The following MAPK9 variants were observed in gnomAD, a reference collection of about 807,000 sequenced individuals.
The protein encoded by MAPK9 is mitogen-activated protein kinase 9.
In MAPK9, 30 loss-of-function variants were observed where a neutral mutation model predicts 57.1. The ratio of observed to expected loss-of-function variants is 0.53; its 90% CI spans 0.39 to 0.71. MAPK9 has a LOEUF of 0.71. Among genes scored for constraint, MAPK9 ranks in the 30% least tolerant of loss-of-function variants. MAPK9 has a pLI of 0.00. For synonymous variants in MAPK9, 155 were observed against 177.0 expected, an observed-to-expected ratio of 0.88 and a Z score of 0.99; for missense variants, 362 against 521.0, an observed-to-expected ratio of 0.69 and a Z score of 2.97.
chr5:180,250,325 T>G (rs1321749607), intron 5 of MAPK9, among the ~76,000 whole-genome samples: 1 of 152,198 alleles, frequency 6.6e-6, no homozygotes, highest in Non-Finnish European at 1.5e-5. Context: ...CCCTAGCCCC[T>G]TCCTCAGGCC....
At chr5:180,248,939 C>T in intron 6 of MAPK9, 34 bp downstream of exon 6, 1 of 1,558,834 alleles carries the variant, frequency 6.4e-7, no homozygotes, top group Non-Finnish European at 8.7e-7. Flanking sequence ...AATTTCTAAA[C>T]ATCCCAGCCT....
intron 5 of MAPK9, among the ~76,000 whole-genome samples, chr5:180,252,182 G>A (rs1354500125): frequency 6.6e-6 from 1 of 152,180 alleles, no homozygotes; most frequent in Non-Finnish European, 1.5e-5. Context: ...CAAAGGCTTA[G>A]AGCAAGGCTG....
At chr5:180,268,594 G>C (rs756253926) in intron 3 of MAPK9, among the ~76,000 whole-genome samples, 37 of 150,180 alleles carry the variant, frequency 2.5e-4, no homozygotes, top group Non-Finnish European at 4.7e-4. Context: ...TTGGGAGGCT[G>C]AGGCTGGCGG....
intron 5 of MAPK9, among the ~76,000 whole-genome samples, chr5:180,257,437 T>C (rs1759405728): frequency 6.6e-6 from 1 of 152,260 alleles, no homozygotes; most frequent in Non-Finnish European, 1.5e-5. Context: ...CTCTTGCTGT[T>C]GGAACATAAA....
chr5:180,274,299 T>A (rs1182256138), intron 2 of MAPK9, among the ~76,000 whole-genome samples: 2 of 152,216 alleles, frequency 1.3e-5, no homozygotes, highest in South Asian at 2.1e-4. Flanking sequence ...TGACCCTGCA[T>A]CTTGCAAAAG....
chr5:180,274,843 A>AC (rs1379264355), intron 2 of MAPK9, among the ~76,000 whole-genome samples: 1 of 152,122 alleles, frequency 6.6e-6, no homozygotes, highest in African/African-American at 2.4e-5. Flanking sequence ...GGGCTCTTCT[A>AC]CCATTTTTGC....
At chr5:180,271,663 G>A (rs1202208964) in intron 2 of MAPK9, among the ~76,000 whole-genome samples, 1 of 152,160 alleles carries the variant, frequency 6.6e-6, no homozygotes, top group African/African-American at 2.4e-5. Context: ...ATCAATACAT[G>A]GAGTGTAGGT....
At chr5:180,281,875 G>C (rs1376516158) in intron 1 of MAPK9, among the ~76,000 whole-genome samples, 2 of 152,240 alleles carry the variant, frequency 1.3e-5, no homozygotes, top group African/African-American at 4.8e-5. Flanking sequence ...CAGCCAGGGA[G>C]TGACTCCAGT....
intron 5 of MAPK9, among the ~76,000 whole-genome samples, chr5:180,261,466 C>T (rs1759954271): frequency 6.6e-6 from 1 of 152,180 alleles, no homozygotes; most frequent in Non-Finnish European, 1.5e-5. Flanking sequence ...TGACTGAGAG[C>T]GCAGTACCTG....
chr5:180,265,683 G>A (rs1190481832), intron 3 of MAPK9, among the ~76,000 whole-genome samples: 1 of 152,154 alleles, frequency 6.6e-6, no homozygotes, highest in Non-Finnish European at 1.5e-5. Flanking sequence ...GTGCGGGAAC[G>A]AACCAGTACA....
intron 1 of MAPK9, among the ~76,000 whole-genome samples, chr5:180,291,546 G>A (rs539505935): frequency 1.3e-5 from 2 of 152,222 alleles, no homozygotes; most frequent in South Asian, 2.1e-4. Context: ...CCGGGCCCCT[G>A]GGCACCCGGC....
Position 180,235,453 on chromosome 5 carries a change from A to G in MAPK9, c.*931T>C, listed in dbSNP as rs1757105602. Reference sequence around the variant, plus strand: ...ATGACTGCAGTGATCTCTAGTGAGCATTTTGTAAAATTCCACTCCAACGTT... The same window carrying G: ...ATGACTGCAGTGATCTCTAGTGAGCGTTTTGTAAAATTCCACTCCAACGTT... On this transcript the variant is annotated 3_prime_UTR_variant, in exon 12 of 12. Coordinates refer to ENST00000452135, the MANE Select transcript of MAPK9 (RefSeq NM_002752.5). 6.6e-6 allele frequency: 1 copy of G among 152,240 alleles called. No individual in the cohort carries two copies. The highest frequency in any genetic ancestry group is 1.5e-5 in the Non-Finnish European group (1 of 68,050). 9.4% of individuals were successfully genotyped at this position (152,240 alleles called of 1,614,324 possible).
At chr5:180,270,349 T>A (rs1414018717) in intron 2 of MAPK9, among the ~76,000 whole-genome samples, 1 of 152,266 alleles carries the variant, frequency 6.6e-6, no homozygotes, top group Non-Finnish European at 1.5e-5. Context: ...GGCTATCTGT[T>A]GTAGCATTTG....
At chr5:180,246,952 T>A (rs1421417441) in intron 7 of MAPK9, 1 of 155,762 alleles carries the variant, frequency 6.4e-6, no homozygotes, top group African/African-American at 2.4e-5. Flanking sequence ...AGGTCCTTTG[T>A]AATGTGCTTC....
At chr5:180,282,266 G>A (rs1762376979) in intron 1 of MAPK9, among the ~76,000 whole-genome samples, 1 of 152,170 alleles carries the variant, frequency 6.6e-6, no homozygotes, top group Non-Finnish European at 1.5e-5. Context: ...GTTTGCAAGA[G>A]GCTGAAACAA....
At chr5:180,271,989 A>G (rs1761370396) in intron 2 of MAPK9, among the ~76,000 whole-genome samples, 1 of 152,140 alleles carries the variant, frequency 6.6e-6, no homozygotes, top group African/African-American at 2.4e-5. Flanking sequence ...TTAGCTTCTC[A>G]CATTATCTGT....
At chr5:180,268,537 A>G (rs1208166362) in intron 3 of MAPK9, among the ~76,000 whole-genome samples, 1 of 152,214 alleles carries the variant, frequency 6.6e-6, no homozygotes, top group Non-Finnish European at 1.5e-5. Context: ...GTTTATTAAG[A>G]ATTTTATCAG....
At chr5:180,250,635 G>A (rs35898805) in intron 5 of MAPK9, among the ~76,000 whole-genome samples, 110 of 152,246 alleles carry the variant, frequency 7.2e-4, no homozygotes, top group Admixed American at 1.8e-3. Context: ...AAGCCATTTC[G>A]ACATTGACAA....
intron 1 of MAPK9, among the ~76,000 whole-genome samples, chr5:180,285,372 G>C (rs1330238334): frequency 6.6e-6 from 1 of 152,126 alleles, no homozygotes; most frequent in Non-Finnish European, 1.5e-5. Flanking sequence ...TTGCACATGG[G>C]CTGGCCAGGA....
Sources: gnomAD v4.1 joint callset for allele counts (sites outside exome capture counted in the v4.1 genomes callset) on GRCh38, gnomAD v4.1.1 for gene constraint, MANE v1.5 for transcripts, NCBI Gene and HGNC (gene_info 2026-07-23, HGNC 2026-07-21) for gene names.